The following DPYD variants were observed in gnomAD, a reference collection of about 807,000 sequenced individuals.
DPYD encodes the protein dihydropyrimidine dehydrogenase [NADP(+)].
A neutral mutation model predicts 116.2 loss-of-function variants in DPYD; 109 were observed. The observed-to-expected ratio is 0.94, with a 90% CI of 0.80 to 1.10. DPYD has a LOEUF of 1.10. Ranked by LOEUF, DPYD falls within the 50% of genes least tolerant of loss-of-function variation. DPYD has a pLI of 0.00. For missense variants in DPYD, 1,302 were observed against 1,254.5 expected (o/e 1.04, Z -0.57); for synonymous variants, 440 against 432.0 (o/e 1.02, Z -0.23).
chr1:97,417,067 A>T (rs562035147), intron 14 of DPYD, among the ~76,000 whole-genome samples: 192 of 152,348 alleles, frequency 1.3e-3, no homozygotes, highest in Non-Finnish European at 2.1e-3. Flanking sequence ...TTAATTATTT[A>T]AAAATGAACA....
At chr1:97,578,414 A>G (rs183710018) in intron 10 of DPYD, among the ~76,000 whole-genome samples, 1 of 152,236 alleles carries the variant, frequency 6.6e-6, no homozygotes, top group Admixed American at 6.5e-5. Flanking sequence ...TCATGATTTT[A>G]CAGATTTAGC....
At chr1:97,544,485 A>G (rs76313637) in intron 12 of DPYD, among the ~76,000 whole-genome samples, 2,134 of 152,270 alleles carry the variant, frequency 0.014, 25 homozygotes, top group Middle Eastern at 0.027. Flanking sequence ...ATTCCTAGCA[A>G]TATGTGTTTT....
chr1:97,699,251 T>A, intron 6 of DPYD, 100 bp downstream of exon 6: 1 of 1,203,884 alleles, frequency 8.3e-7, no homozygotes, highest in Non-Finnish European at 1.2e-6. Flanking sequence ...ATACCATCTG[T>A]GAGCCTGAAG....
At chr1:97,759,807 C>A (rs904691059) in intron 3 of DPYD, among the ~76,000 whole-genome samples, 2 of 152,176 alleles carry the variant, frequency 1.3e-5, no homozygotes, top group South Asian at 2.1e-4. Flanking sequence ...TACAATGGGA[C>A]AAACACTATA....
rs549873666 is a variant in DPYD at position 97,407,776 on chromosome 1, C to T, written c.1906-25315G>A. Among the ~76,000 whole-genome samples the T allele has an allele frequency of 4.9e-4, 74 of 152,260 alleles. 1 individual carries two copies. The highest frequency in any genetic ancestry group is 3.5e-3 in the Admixed American group (54 of 15,274). ...ACTCACCATCACCCTTAGTGACCCA[C>T]TAGCAAAAGTTTTCCTTCCTGTTCC... is the stretch of plus-strand genomic sequence containing the variant. On this transcript the variant is annotated intron_variant, in intron 14 of 22. Transcript: ENST00000370192.
At chr1:97,628,858 T>C (rs1295604394) in intron 8 of DPYD, among the ~76,000 whole-genome samples, 1 of 152,086 alleles carries the variant, frequency 6.6e-6, no homozygotes, top group Non-Finnish European at 1.5e-5. Flanking sequence ...TTTTATAGCC[T>C]ATGTACTATC....
chr1:97,694,742 A>T (rs1475586634), intron 6 of DPYD, among the ~76,000 whole-genome samples: 1 of 152,150 alleles, frequency 6.6e-6, no homozygotes, highest in Non-Finnish European at 1.5e-5. Context: ...AGACAATTTA[A>T]AAACCATTAT....
At chr1:97,393,562 G>C (rs1440041294) in intron 14 of DPYD, among the ~76,000 whole-genome samples, 1 of 151,584 alleles carries the variant, frequency 6.6e-6, no homozygotes, top group Non-Finnish European at 1.5e-5. Flanking sequence ...TCTGTCCTTG[G>C]GATAGTTTGC....
At chr1:97,330,456 C>T (rs772349739) in intron 16 of DPYD, among the ~76,000 whole-genome samples, 1 of 152,126 alleles carries the variant, frequency 6.6e-6, no homozygotes, top group Non-Finnish European at 1.5e-5. Context: ...TTTGATGATA[C>T]TCATTAATTC....
intron 5 of DPYD, chr1:97,719,960 C>A: frequency 6.1e-6 from 6 of 984,948 alleles, no homozygotes; most frequent in Non-Finnish European, 7.2e-6. Context: ...TGACCACTCT[C>A]AAATTTTAGT....
intron 3 of DPYD, among the ~76,000 whole-genome samples, chr1:97,770,995 G>A (rs993778813): frequency 1.8e-4 from 27 of 152,088 alleles, no homozygotes; most frequent in African/African-American, 4.1e-4. Context: ...CAAAATGTAC[G>A]TTTTCTAGCA....
intron 2 of DPYD, among the ~76,000 whole-genome samples, chr1:97,881,913 C>T (rs192770482): frequency 6.6e-4 from 100 of 151,368 alleles, no homozygotes; most frequent in South Asian, 2.5e-3. Context: ...TGCTAAATGA[C>T]GAGTTAATGG....
intron 10 of DPYD, among the ~76,000 whole-genome samples, chr1:97,580,844 G>A (rs1653605474): frequency 6.6e-6 from 1 of 152,068 alleles, no homozygotes; most frequent in Non-Finnish European, 1.5e-5. Flanking sequence ...TTACCTTGAT[G>A]TTTCCTTTCA....
chr1:97,686,635 T>A (rs1224240057), intron 7 of DPYD, among the ~76,000 whole-genome samples: 1 of 18,288 alleles, frequency 5.5e-5, no homozygotes. Context: ...AGACTCTGTC[T>A]CAAAAAAAAA....
At chr1:97,475,968 G>A (rs1196053212) in intron 13 of DPYD, among the ~76,000 whole-genome samples, 1 of 152,200 alleles carries the variant, frequency 6.6e-6, no homozygotes, top group Admixed American at 6.5e-5. Context: ...TAACTAAGGA[G>A]ATACAGTTAC....
intron 14 of DPYD, among the ~76,000 whole-genome samples, chr1:97,446,549 T>A (rs1676096401): frequency 6.6e-6 from 1 of 152,164 alleles, no homozygotes; most frequent in African/African-American, 2.4e-5. Context: ...AGATGTATAT[T>A]TACATATCAA....
chr1:97,397,665 C>T (rs1183429018), intron 14 of DPYD, among the ~76,000 whole-genome samples: 1 of 152,034 alleles, frequency 6.6e-6, no homozygotes, highest in African/African-American at 2.4e-5. Context: ...AACATGCATT[C>T]AAGCTTCCTC....
At chr1:97,274,359 T>A (rs560822866) in intron 18 of DPYD, among the ~76,000 whole-genome samples, 2 of 152,244 alleles carry the variant, frequency 1.3e-5, no homozygotes, top group African/African-American at 4.8e-5. Flanking sequence ...CTGAGCCGCT[T>A]GTTTAAAAGA....
rs370588301 is a variant in DPYD, at chr1:97,704,838, G to A, written c.484-5291C>T. The stretch of plus-strand genomic sequence containing the variant: ...TTTTTAAGTTGAAGGGTCAACTGCC[G>A]AAACAATGTAATAAATGAAATAAAC... On this transcript the variant is annotated intron_variant, in intron 5 of 22. Coordinates refer to ENST00000370192, the MANE Select transcript of DPYD (RefSeq NM_000110.4). Among the ~76,000 whole-genome samples the A allele has an allele frequency of 9.2e-5, 14 of 151,988 alleles. No individual in the cohort carries two copies. In the East Asian group the frequency reaches 1.5e-3, roughly 17 times the overall value.
Sources: gnomAD v4.1 joint callset for allele counts (sites outside exome capture counted in the v4.1 genomes callset) on GRCh38, gnomAD v4.1.1 for gene constraint, MANE v1.5 for transcripts, NCBI Gene and HGNC (gene_info 2026-07-23, HGNC 2026-07-21) for gene names.